The following AUH variants were observed in gnomAD, a reference collection of about 807,000 sequenced individuals.
AUH encodes the protein methylglutaconyl-CoA hydratase, mitochondrial.
A neutral mutation model predicts 42.3 loss-of-function variants in AUH; 29 were observed. That is an observed-to-expected ratio of 0.69 (90% CI 0.51 to 0.93). The LOEUF (loss-of-function observed/expected upper bound fraction) is 0.93, where lower values mean the gene tolerates loss of function less well. Among genes scored for constraint, AUH ranks in the 40% least tolerant of loss-of-function variants. The pLI, the probability that AUH is intolerant of heterozygous loss-of-function variation, is 0.00. For synonymous variants in AUH, 174 were observed against 166.4 expected (o/e 1.05, Z -0.35); for missense variants, 452 against 438.1 (o/e 1.03, Z -0.28).
chr9:91,271,299 T>C (rs1825103740), intron 6 of AUH, among the ~76,000 whole-genome samples: 1 of 152,270 alleles, frequency 6.6e-6, no homozygotes, highest in African/African-American at 2.4e-5. Context: ...TGGTGGTATG[T>C]GCATTTGCTT....
intron 4 of AUH, 49 bp from the exon 5 acceptor site, chr9:91,298,125 A>C: frequency 7.1e-7 from 1 of 1,407,912 alleles, no homozygotes; most frequent in Non-Finnish European, 1.0e-6. Flanking sequence ...TTATTATCTC[A>C]CTGTGTAATT....
intron 5 of AUH, 109 bp from the exon 6 acceptor site, chr9:91,296,186 T>C: frequency 9.2e-7 from 1 of 1,086,602 alleles, no homozygotes; most frequent in East Asian, 2.8e-5. Context: ...ATTAAATTGA[T>C]ATCACAAATT....
chr9:91,221,523 T>C (rs1284308896), intron 6 of AUH, among the ~76,000 whole-genome samples: 8 of 152,146 alleles, frequency 5.3e-5, no homozygotes, highest in African/African-American at 1.7e-4. Context: ...TTTGTCCTGG[T>C]GGTATTTTCT....
chr9:91,216,016 T>C (rs1220642045), intron 9 of AUH, 43 bp downstream of exon 9: 3 of 1,563,180 alleles, frequency 1.9e-6, no homozygotes, highest in Non-Finnish European at 2.6e-6. Context: ...TAAATATAAT[T>C]TGTAAGGGTC....
At chr9:91,277,368 T>C (rs760103093) in intron 6 of AUH, among the ~76,000 whole-genome samples, 7 of 152,120 alleles carry the variant, frequency 4.6e-5, no homozygotes, top group Non-Finnish European at 8.8e-5. Flanking sequence ...ATAATTCCAG[T>C]ATCAAAAAAT....
At chr9:91,312,530 C>T (rs1327745548) in intron 4 of AUH, among the ~76,000 whole-genome samples, 3 of 152,176 alleles carry the variant, frequency 2.0e-5, no homozygotes, top group Non-Finnish European at 4.4e-5. Flanking sequence ...GAGTTCAAGA[C>T]CAGCCTGGCC....
chr9:91,266,178 T>C (rs1312791131), intron 6 of AUH, among the ~76,000 whole-genome samples: 3 of 151,732 alleles, frequency 2.0e-5, no homozygotes, highest in African/African-American at 7.3e-5. Context: ...CTGGCCAACA[T>C]GGTGAAAAGC....
At chr9:91,253,006 G>T (rs1279622844) in intron 6 of AUH, among the ~76,000 whole-genome samples, 2 of 152,034 alleles carry the variant, frequency 1.3e-5, no homozygotes, top group African/African-American at 2.4e-5. Context: ...GTATGCTAGG[G>T]TCCATTACTC....
At chr9:91,225,361 T>C (rs1401203486) in intron 6 of AUH, among the ~76,000 whole-genome samples, 1 of 152,208 alleles carries the variant, frequency 6.6e-6, no homozygotes, top group Non-Finnish European at 1.5e-5. Context: ...AGTTCACCTT[T>C]TCTTAATTCT....
chr9:91,218,811 C>G (rs909143066), intron 7 of AUH: 130 of 985,022 alleles, frequency 1.3e-4, no homozygotes, highest in Non-Finnish European at 1.5e-4. Flanking sequence ...GAGGACTAAT[C>G]ATTTGGCAAC....
At position 91,314,474 on chromosome 9, in the gene AUH, C is replaced by A. The variant is rs1406795617; in HGVS notation, c.505+10844G>T. On this transcript the variant is annotated intron_variant, in intron 4 of 9. Coordinates refer to ENST00000375731, the MANE Select transcript of AUH (RefSeq NM_001698.3). The stretch of plus-strand genomic sequence containing the variant: ...CTCCAGCCTGGGCGACACAGGGAGA[C>A]CCTCTCTCAAAGAAGGAAAAAAAAA... Among the ~76,000 whole-genome samples the A allele has an allele frequency of 2.0e-5, 3 of 148,688 alleles. No homozygotes were observed. The East Asian group carries it at 5.9e-4, about 29-fold the overall frequency.
At chr9:91,324,702 CAT>C (rs1246443380) in intron 4 of AUH, among the ~76,000 whole-genome samples, 1 of 150,252 alleles carries the variant, frequency 6.7e-6, no homozygotes, top group East Asian at 1.9e-4. Flanking sequence ...TGTGAGGAAA[CAT>C]ATACTGTCTT....
At chr9:91,335,665 C>T (rs955301922) in intron 3 of AUH, among the ~76,000 whole-genome samples, 2 of 152,128 alleles carry the variant, frequency 1.3e-5, no homozygotes, top group African/African-American at 4.8e-5. Flanking sequence ...GAAGTCCAAC[C>T]TTAGCTATCT....
At chr9:91,243,258 T>C (rs1231254349) in intron 6 of AUH, among the ~76,000 whole-genome samples, 11 of 152,350 alleles carry the variant, frequency 7.2e-5, no homozygotes, top group South Asian at 4.1e-4. Flanking sequence ...CTGAGACCCA[T>C]AGCTCCTTAG....
chr9:91,347,474 G>C (rs538091028), intron 3 of AUH, among the ~76,000 whole-genome samples: 4 of 152,128 alleles, frequency 2.6e-5, no homozygotes, highest in East Asian at 3.9e-4. Flanking sequence ...TTTCCCCTCT[G>C]GGGGGAGAGG....
chr9:91,258,467 TCA>T (rs1481441498), intron 6 of AUH, among the ~76,000 whole-genome samples: 1 of 152,176 alleles, frequency 6.6e-6, no homozygotes, highest in Non-Finnish European at 1.5e-5. Context: ...ACTCCTGACT[TCA>T]GGTGATCCAC....
At chr9:91,275,735 C>A (rs1825488589) in intron 6 of AUH, among the ~76,000 whole-genome samples, 1 of 152,190 alleles carries the variant, frequency 6.6e-6, no homozygotes, top group Admixed American at 6.5e-5. Flanking sequence ...GCTTTCTCTG[C>A]CACTGAAATG....
Position 91,356,140 on chromosome 9 carries a change from C to T in AUH, c.278G>A (p.Gly93Glu). 1 of 1,613,438 alleles carries T rather than the reference C, an allele frequency of 6.2e-7. No individual in the cohort carries two copies. Among genetic ancestry groups the T allele is most frequent in the Non-Finnish European group, 8.5e-7 (1 of 1,179,702 alleles). Residue 93 changes from glycine (G) to glutamate (E), a missense_variant, in exon 2 of 10, where the codon GGA becomes GAA. Gly to Glu is a moderately conservative substitution (Grantham distance 98, BLOSUM62 -2). Transcript: ENST00000375731. Reference protein sequence around the residue: ...EEENRGIVVLGINRAYGKNSL... With the variant: ...EEENRGIVVLEINRAYGKNSL... ...ATTTTTGCCATAAGCTCTGTTTATT[C>T]CAAGCACCACAATTCCTAGTTAAAG...
chr9:91,226,360 T>C (rs1248269027), intron 6 of AUH, among the ~76,000 whole-genome samples: 7 of 146,158 alleles, frequency 4.8e-5, no homozygotes, highest in Admixed American at 4.1e-4. Flanking sequence ...TTTTGAGAAG[T>C]GTCTGTTCAT....
Sources: allele counts gnomAD v4.1 joint callset (sites outside exome capture counted in the v4.1 genomes callset), GRCh38; gene constraint gnomAD v4.1.1; transcripts MANE v1.5; gene names NCBI Gene and HGNC (gene_info 2026-07-23, HGNC 2026-07-21).